The following CUX2 variants were observed in gnomAD, a reference collection of about 807,000 sequenced individuals.
The protein encoded by CUX2 is homeobox protein cut-like 2.
Under a neutral mutation model 144.8 loss-of-function variants are expected in CUX2, and 40 were observed. That is an observed-to-expected ratio of 0.28 (90% CI 0.21 to 0.36). The LOEUF is 0.36. Among genes scored for constraint, CUX2 ranks in the 10% least tolerant of loss-of-function variants. The pLI is 1.00. For missense variants in CUX2, 1,615 were observed against 1,994.0 expected (o/e 0.81, Z 3.62); for synonymous variants, 827 against 875.6 (o/e 0.94, Z 0.98).
At chr12:111,134,655 C>T (rs1266728737) in intron 1 of CUX2, among the ~76,000 whole-genome samples, 1 of 134,862 alleles carries the variant, frequency 7.4e-6, no homozygotes, top group African/African-American at 3.8e-5. Flanking sequence ...TGTGTTTCTG[C>T]TGCTGGTATA....
rs184734330 is a variant in CUX2, at chr12:111,098,677, C to G, written c.63+64437C>G. Among the ~76,000 whole-genome samples the G allele has an allele frequency of 3.6e-3, 541 of 152,344 alleles. 4 individuals are homozygous for G. The highest frequency in any genetic ancestry group is 0.013 in the African/African-American group (520 of 41,584). ...CGGAGGGGACCTATACCCCCAGCCC[C>G]AGAGCAGCTCAGACAAGAGCAGGAA... On this transcript the variant is annotated intron_variant, in intron 1 of 21. Transcript: ENST00000261726.
intron 1 of CUX2, among the ~76,000 whole-genome samples, chr12:111,070,194 G>T (rs756286181): frequency 6.6e-6 from 1 of 152,138 alleles, no homozygotes; most frequent in Non-Finnish European, 1.5e-5. Context: ...CCAGGGAGTG[G>T]GAGAAGGGAA....
intron 18 of CUX2, among the ~76,000 whole-genome samples, chr12:111,330,093 C>T (rs1046031125): frequency 6.6e-6 from 1 of 152,200 alleles, no homozygotes; most frequent in Admixed American, 6.5e-5. Context: ...CCACGTCAGC[C>T]TTGGCATCAC....
intron 12 of CUX2, among the ~76,000 whole-genome samples, 180 bp from the exon 13 acceptor site, chr12:111,308,105 G>A (rs748028607): frequency 1.3e-5 from 2 of 152,186 alleles, no homozygotes; most frequent in South Asian, 2.1e-4. Flanking sequence ...AGGTAACATC[G>A]CCACCTGTTA....
intron 1 of CUX2, among the ~76,000 whole-genome samples, chr12:111,062,996 T>C (rs1433465716): frequency 6.6e-6 from 1 of 151,612 alleles, no homozygotes; most frequent in Non-Finnish European, 1.5e-5. Flanking sequence ...CCTGCTGAGG[T>C]CGTTATCATG....
intron 16 of CUX2, among the ~76,000 whole-genome samples, chr12:111,313,454 AC>A (rs1887010634): frequency 6.6e-6 from 1 of 150,738 alleles, no homozygotes; most frequent in Admixed American, 6.6e-5. Context: ...AGCCTGCCCA[AC>A]ATGGCGAAAC....
intron 1 of CUX2, among the ~76,000 whole-genome samples, chr12:111,107,724 A>C (rs1223657068): frequency 1.3e-5 from 2 of 152,270 alleles, no homozygotes; most frequent in East Asian, 3.8e-4. Context: ...GATGAAAAGC[A>C]AATAAATGAG....
chr12:111,295,268 G>A lies in CUX2; in HGVS notation c.561-65G>A, dbSNP rs1213325506. On this transcript the variant is annotated intron_variant, in intron 6 of 21. Transcript: ENST00000261726. This position sits in a 1 kb window ranked among gnomAD's most constrained non-coding sequence, Gnocchi z 5.0. ...AGGGGTAGGAAGCAAGATGGGGCTCGACTCGGGGGCCCCAGGCAAGGCCTG... is the reference window on the plus strand; with the variant it reads ...AGGGGTAGGAAGCAAGATGGGGCTCAACTCGGGGGCCCCAGGCAAGGCCTG... 12 of 1,509,276 alleles carry A rather than the reference G, an allele frequency of 8.0e-6. No homozygotes were observed. The highest frequency in any genetic ancestry group is 7.0e-5 in the East Asian group (3 of 42,976). The allele number at this position is 1,509,276 out of a possible 1,614,324, so 93.5% of individuals were successfully genotyped here.
At chr12:111,238,280 G>A (rs549418727) in intron 3 of CUX2, among the ~76,000 whole-genome samples, 9 of 152,342 alleles carry the variant, frequency 5.9e-5, no homozygotes, top group Admixed American at 6.5e-5. Flanking sequence ...GCAGCATTTT[G>A]TAGACTGTGA....
At chr12:111,074,610 CA>C (rs1345317472) in intron 1 of CUX2, among the ~76,000 whole-genome samples, 1 of 152,008 alleles carries the variant, frequency 6.6e-6, no homozygotes, top group African/African-American at 2.4e-5. Flanking sequence ...CAGCTCAGCC[CA>C]GAGCCTGCCC....
At chr12:111,129,804 T>A (rs1419657739) in intron 1 of CUX2, among the ~76,000 whole-genome samples, 1 of 152,200 alleles carries the variant, frequency 6.6e-6, no homozygotes, top group East Asian at 1.9e-4. Context: ...ACTCCACAGG[T>A]CAGGCATCCA....
At chr12:111,286,599 G>A (rs751738666) in intron 4 of CUX2, among the ~76,000 whole-genome samples, 13 of 152,192 alleles carry the variant, frequency 8.5e-5, no homozygotes, top group Admixed American at 3.9e-4. Flanking sequence ...GTGGCCAGGC[G>A]CAGTGGCTCA....
At chr12:111,191,656 C>T (rs1366597089) in intron 1 of CUX2, among the ~76,000 whole-genome samples, 5 of 152,168 alleles carry the variant, frequency 3.3e-5, no homozygotes, top group African/African-American at 9.7e-5. Context: ...ACTGGTCTGC[C>T]CGTGCCCAGG....
intron 21 of CUX2, among the ~76,000 whole-genome samples, chr12:111,344,501 C>G (rs1261776375): frequency 6.6e-6 from 1 of 152,198 alleles, no homozygotes; most frequent in Non-Finnish European, 1.5e-5. Context: ...GTTATAATTA[C>G]AGAAGAACAC....
chr12:111,135,831 G>A (rs1875847100), intron 1 of CUX2, among the ~76,000 whole-genome samples: 1 of 152,204 alleles, frequency 6.6e-6, no homozygotes, highest in African/African-American at 2.4e-5. Flanking sequence ...CTGGGGAAAG[G>A]AGAATGGGAA....
At chr12:111,318,863 C>T (rs564485294) in intron 16 of CUX2, among the ~76,000 whole-genome samples, 1 of 151,326 alleles carries the variant, frequency 6.6e-6, no homozygotes, top group Non-Finnish European at 1.5e-5. Context: ...CTGAGTTTTG[C>T]CATGTTGCCC....
At chr12:111,225,653 G>A (rs1430425883) in intron 3 of CUX2, among the ~76,000 whole-genome samples, 1 of 152,230 alleles carries the variant, frequency 6.6e-6, no homozygotes, top group Non-Finnish European at 1.5e-5. Context: ...AAGGAGCTGA[G>A]GATGGTGATT....
chr12:111,079,247 G>A (rs1329026478), intron 1 of CUX2, among the ~76,000 whole-genome samples: 1 of 152,206 alleles, frequency 6.6e-6, no homozygotes, highest in Non-Finnish European at 1.5e-5. Context: ...GTTGCCCCTG[G>A]AAAGGGATTC....
rs1037762732 is a variant in CUX2 at position 111,122,978 on chromosome 12, T to G, written c.63+88738T>G. ...TTTTATTTCTTCCTGGATGGATAAC[T>G]CCTGCTGTAATTTAATGGGCAGGAA... On this transcript the variant is annotated intron_variant, in intron 1 of 21. Transcript: ENST00000261726. 4.6e-5 allele frequency among the ~76,000 whole-genome samples: 7 copies of G among 152,336 alleles called. No homozygotes were observed. In the South Asian group the frequency reaches 1.0e-3, roughly 23 times the overall value.
Sources: allele counts gnomAD v4.1 joint callset (sites outside exome capture counted in the v4.1 genomes callset), GRCh38; gene constraint gnomAD v4.1.1; non-coding constraint Gnocchi (gnomAD v3.1); transcripts MANE v1.5; gene names NCBI Gene and HGNC (gene_info 2026-07-23, HGNC 2026-07-21).